ANKS1B: variants seen among roughly 807,000 people sequenced by gnomAD.
The protein encoded by ANKS1B is ankyrin repeat and sterile alpha motif domain-containing protein 1B.
ANKS1B carries 36 observed loss-of-function variants against 148.3 expected under a neutral mutation model. That is an observed-to-expected ratio of 0.24 (90% confidence interval 0.19 to 0.32). The LOEUF (loss-of-function observed/expected upper bound fraction) is 0.32, where lower values mean the gene tolerates loss of function less well. Among genes scored for constraint, ANKS1B ranks in the 10% least tolerant of loss-of-function variants. The pLI is 1.00. For missense variants in ANKS1B, 1,157 were observed against 1,542.6 expected (o/e 0.75, Z 4.19); for synonymous variants, 542 against 560.8 (o/e 0.97, Z 0.47).
rs182364440 is a variant in ANKS1B at position 99,014,974 on chromosome 12, C to A, written c.2778+38183G>T. Among the ~76,000 whole-genome samples, 610 of 152,286 alleles carry A rather than the reference C, an allele frequency of 4.0e-3. 2 individuals are homozygous for A. Among genetic ancestry groups the A allele is most frequent in the South Asian group, 0.011 (53 of 4,826 alleles). The stretch of plus-strand genomic sequence containing the variant: ...GACACTGTGGCCATTCCTCAAAGAC[C>A]TAAAGACAGAAATACCACTCAACCC... On this transcript the variant is annotated intron_variant, in intron 17 of 26. Transcript: ENST00000683438.
At chr12:99,168,659 T>C (rs2077439345) in intron 14 of ANKS1B, among the ~76,000 whole-genome samples, 1 of 152,022 alleles carries the variant, frequency 6.6e-6, no homozygotes, top group Admixed American at 6.5e-5. Context: ...GACTCAAAGG[T>C]ATTGAGGGAA....
intron 7 of ANKS1B, among the ~76,000 whole-genome samples, chr12:99,773,937 G>A (rs191264625): frequency 3.0e-4 from 46 of 152,214 alleles, no homozygotes; most frequent in Admixed American, 2.2e-3. Flanking sequence ...TGTTGGGAAA[G>A]TGGATAGCCA....
chr12:99,481,473 T>G (rs2096409543), intron 10 of ANKS1B, among the ~76,000 whole-genome samples: 1 of 152,022 alleles, frequency 6.6e-6, no homozygotes, highest in Non-Finnish European at 1.5e-5. Context: ...TCCACATCTT[T>G]GCAATTGTGA....
At position 99,716,342 on chromosome 12, in the gene ANKS1B, T is replaced by G. The variant is rs192105091; in HGVS notation, c.1128+56580A>C. On this transcript the variant is annotated intron_variant, in intron 8 of 26. Transcript: ENST00000683438. ...CCTTATTTTGGCGCCCCGACACCTT[T>G]CCCACTTTTCTGGAGGGTAAGAACC... 3.3e-5 allele frequency among the ~76,000 whole-genome samples: 5 copies of G among 152,038 alleles called. No individual in the cohort carries two copies. In the East Asian group the frequency reaches 9.7e-4, roughly 30 times the overall value.
intron 9 of ANKS1B, among the ~76,000 whole-genome samples, chr12:99,562,011 C>T (rs2097341491): frequency 1.3e-5 from 2 of 152,140 alleles, no homozygotes; most frequent in African/African-American, 4.8e-5. Context: ...ATCCTTGATC[C>T]ACGGGCTTGC....
In ANKS1B at chr12:99,756,336, T is replaced by A. The variant is rs547134197; in HGVS notation, c.1128+16586A>T. Among the ~76,000 whole-genome samples, 51 of 152,032 alleles carry A rather than the reference T, an allele frequency of 3.4e-4. 1 individual carries two copies. The highest frequency in any genetic ancestry group is 1.2e-3 in the African/African-American group (51 of 41,490). ...ATCAGGAACATACTCCCATTCACAA[T>A]AGCCACAAAAAGAATAAAATTCCTA... On this transcript the variant is annotated intron_variant, in intron 8 of 26. Transcript: ENST00000683438.
intron 17 of ANKS1B, among the ~76,000 whole-genome samples, chr12:98,991,855 C>T (rs546896321): frequency 6.6e-6 from 1 of 152,130 alleles, no homozygotes; most frequent in Admixed American, 6.5e-5. Context: ...TACACACACA[C>T]AAAATTTAAC....
At chr12:98,952,979 C>G (rs1182176793) in intron 17 of ANKS1B, among the ~76,000 whole-genome samples, 1 of 152,040 alleles carries the variant, frequency 6.6e-6, no homozygotes, top group Non-Finnish European at 1.5e-5. Context: ...CTGCCTCAGC[C>G]TCCCAAGTAG....
chr12:99,663,015 T>G (rs1471871998), intron 8 of ANKS1B, among the ~76,000 whole-genome samples: 1 of 152,152 alleles, frequency 6.6e-6, no homozygotes, highest in African/African-American at 2.4e-5. Flanking sequence ...ACAAGAGATC[T>G]TACATGAGAA....
intron 4 of ANKS1B, among the ~76,000 whole-genome samples, chr12:99,784,438 C>T (rs1461824294): frequency 1.3e-5 from 2 of 152,170 alleles, no homozygotes; most frequent in African/African-American, 4.8e-5. Flanking sequence ...TCCCAAAGTG[C>T]TGGGATTACA....
At chr12:99,776,372 A>G (rs1231572067) in intron 6 of ANKS1B, among the ~76,000 whole-genome samples, 2 of 152,218 alleles carry the variant, frequency 1.3e-5, no homozygotes, top group African/African-American at 4.8e-5. Flanking sequence ...CAAAACTATG[A>G]CACATGCACT....
chr12:99,263,051 A>G (rs1315829900), intron 12 of ANKS1B, among the ~76,000 whole-genome samples: 1 of 152,016 alleles, frequency 6.6e-6, no homozygotes, highest in African/African-American at 2.4e-5. Context: ...TTCCCACACA[A>G]TGTTCCCTCA....
At chr12:99,548,534 G>A (rs553036394) in intron 9 of ANKS1B, among the ~76,000 whole-genome samples, 3 of 152,092 alleles carry the variant, frequency 2.0e-5, no homozygotes, top group South Asian at 2.1e-4. Flanking sequence ...TATAGGTAAT[G>A]TTATTATTAA....
intron 14 of ANKS1B, among the ~76,000 whole-genome samples, chr12:99,207,929 C>G (rs2082881767): frequency 6.6e-6 from 1 of 151,936 alleles, no homozygotes; most frequent in Non-Finnish European, 1.5e-5. Flanking sequence ...TAAGGGTGAT[C>G]AAGCTGGCTA....
intron 8 of ANKS1B, among the ~76,000 whole-genome samples, chr12:99,715,147 T>A (rs963416317): frequency 2.2e-4 from 33 of 151,662 alleles, no homozygotes; most frequent in Admixed American, 5.9e-4. Context: ...AAATAATAAA[T>A]AAATAAATAA....
chr12:98,951,287 G>A (rs2099853715), intron 17 of ANKS1B, among the ~76,000 whole-genome samples: 1 of 152,208 alleles, frequency 6.6e-6, no homozygotes, highest in Non-Finnish European at 1.5e-5. Context: ...ACTTTGGAAA[G>A]AGAGGGGATC....
chr12:99,780,574 G>A (rs566198012), intron 5 of ANKS1B, among the ~76,000 whole-genome samples: 23 of 152,108 alleles, frequency 1.5e-4, no homozygotes, highest in Admixed American at 2.6e-4. Context: ...GAGCCACCAC[G>A]CCCGGCTGAC....
At chr12:99,799,166 T>C (rs536161196) in intron 4 of ANKS1B, among the ~76,000 whole-genome samples, 4 of 152,244 alleles carry the variant, frequency 2.6e-5, no homozygotes, top group African/African-American at 4.8e-5. Context: ...AATAAATATA[T>C]GATAAATGAA....
chr12:99,034,466 C>T (rs2099954286), intron 17 of ANKS1B, among the ~76,000 whole-genome samples: 1 of 152,148 alleles, frequency 6.6e-6, no homozygotes, highest in Non-Finnish European at 1.5e-5. Flanking sequence ...TAGGCGTGTG[C>T]AACCATGCTC....
Sources: gnomAD v4.1 joint callset for allele counts (sites outside exome capture counted in the v4.1 genomes callset) on GRCh38, gnomAD v4.1.1 for gene constraint, MANE v1.5 for transcripts, NCBI Gene and HGNC (gene_info 2026-07-23, HGNC 2026-07-21) for gene names.